Variants in EZH2 observed in about 807,000 individuals in gnomAD.
The protein encoded by EZH2 is histone-lysine N-methyltransferase EZH2.
Under a neutral mutation model 98.4 loss-of-function variants are expected in EZH2, and 18 were observed. The observed-to-expected ratio is 0.18, with a 90% confidence interval of 0.13 to 0.27. EZH2 has a LOEUF of 0.27. Among genes scored for constraint, EZH2 ranks in the 10% least tolerant of loss-of-function variants. The probability of loss-of-function intolerance (pLI) is 1.00; values close to 1 mark genes in which losing one functional copy is unlikely to be tolerated. For missense variants in EZH2, 470 were observed against 935.1 expected (o/e 0.50, Z 6.49); for synonymous variants, 338 against 312.3 (o/e 1.08, Z -0.87).
intron 19 of EZH2, 57 bp downstream of exon 19, chr7:148,809,014 T>G (rs946313223): frequency 1.4e-6 from 2 of 1,423,850 alleles, no homozygotes; most frequent in African/African-American, 2.8e-5. Context: ...TTGTCCAGAG[T>G]TCACAATCCA....
intron 15 of EZH2, among the ~76,000 whole-genome samples, chr7:148,812,856 CAA>C (rs1803482659): frequency 6.6e-6 from 1 of 152,098 alleles, no homozygotes; most frequent in African/African-American, 2.4e-5. Flanking sequence ...AAGCTAAAAA[CAA>C]AAAGCCCACC....
intron 8 of EZH2, among the ~76,000 whole-genome samples, chr7:148,824,771 A>G (rs1807214241): frequency 6.6e-6 from 1 of 152,216 alleles, no homozygotes; most frequent in Non-Finnish European, 1.5e-5. Context: ...ACAGAACTCA[A>G]TAGGACTGAA....
intron 4 of EZH2, among the ~76,000 whole-genome samples, chr7:148,831,897 C>T (rs7796537): frequency 0.018 from 2,695 of 152,236 alleles, 85 homozygotes; most frequent in African/African-American, 0.062. Context: ...AAAGCTGCTG[C>T]GTCAGAGTTA....
chr7:148,846,584 G>A lies in EZH2; in HGVS notation c.132C>T (p.Ser44=), dbSNP rs2129485037. Residue 44 remains serine, a synonymous_variant, in exon 3 of 20, where the codon TCC becomes TCT. Transcript: ENST00000320356. ...TTCTTTCCAAAATTTTCTGACGATT[G>A]GAACTAAACATACTCTTAAAAAAAA... ...RADEVKSMFS[S]NRQKILERTE... 6.3e-7 allele frequency: 1 copy of A among 1,593,158 alleles called. No individual in the cohort carries two copies. The highest frequency in any genetic ancestry group is 1.1e-5 in the South Asian group (1 of 90,116).
At chr7:148,878,977 C>G (rs1398378092) in intron 1 of EZH2, among the ~76,000 whole-genome samples, 3 of 152,102 alleles carry the variant, frequency 2.0e-5, no homozygotes, top group Non-Finnish European at 4.4e-5. Flanking sequence ...GTAATCCCAG[C>G]ACTTTGGGAG....
At chr7:148,855,588 T>C (rs1585212628) in intron 1 of EZH2, among the ~76,000 whole-genome samples, 1 of 152,084 alleles carries the variant, frequency 6.6e-6, no homozygotes, top group East Asian at 1.9e-4. Context: ...TGGTAAGCAC[T>C]ATATCAGCAT....
rs532479050 is a variant in EZH2, at chr7:148,817,676, C to G, written c.1240+201G>C. On this transcript the variant is annotated intron_variant, in intron 10 of 19. Coordinates refer to ENST00000320356, the MANE Select transcript of EZH2 (RefSeq NM_004456.5). ...AAGTGCATCATCAGCTTTCAAACAA[C>G]CAAGCAGGGCAAACACCACAAGCTA... The G allele has an allele frequency of 1.3e-4, 101 of 757,164 alleles. 1 individual carries two copies. In the South Asian group the frequency reaches 1.7e-3, roughly 13 times the overall value. 46.9% of individuals were successfully genotyped at this position (757,164 alleles called of 1,614,324 possible).
intron 1 of EZH2, among the ~76,000 whole-genome samples, chr7:148,868,753 G>C (rs1001162737): frequency 6.6e-6 from 1 of 152,052 alleles, no homozygotes; most frequent in Non-Finnish European, 1.5e-5. Flanking sequence ...CATTAGTATA[G>C]AATGTCTCTT....
chr7:148,856,060 G>C (rs1157209312), intron 1 of EZH2, among the ~76,000 whole-genome samples: 2 of 152,020 alleles, frequency 1.3e-5, no homozygotes, highest in African/African-American at 4.8e-5. Flanking sequence ...CAGGATGTCA[G>C]GGGATCTCAG....
intron 1 of EZH2, among the ~76,000 whole-genome samples, chr7:148,873,505 A>AAAAAAG (rs1233941773): frequency 2.0e-5 from 3 of 149,904 alleles, no homozygotes; most frequent in African/African-American, 7.3e-5. Context: ...AAAAAAAAAA[A>AAAAAAG]AAAAAGAAAG....
chr7:148,813,391 A>G (rs1398122381), intron 15 of EZH2, among the ~76,000 whole-genome samples: 1 of 151,968 alleles, frequency 6.6e-6, no homozygotes, highest in East Asian at 1.9e-4. Context: ...CTTTTGCTCA[A>G]TCATTACTTC....
intron 4 of EZH2, 38 bp from the exon 5 acceptor site, chr7:148,829,886 C>T: frequency 6.9e-7 from 1 of 1,456,742 alleles, no homozygotes; most frequent in Non-Finnish European, 9.3e-7. Context: ...CAGGTTTACT[C>T]TAAGTATCAA....
intron 1 of EZH2, among the ~76,000 whole-genome samples, chr7:148,861,730 C>G (rs546511379): frequency 6.7e-6 from 1 of 149,636 alleles, no homozygotes; most frequent in Non-Finnish European, 1.5e-5. Flanking sequence ...TAGCACTTTG[C>G]GGGGCTGAGG....
intron 1 of EZH2, among the ~76,000 whole-genome samples, chr7:148,856,758 A>C (rs751926319): frequency 6.6e-6 from 1 of 152,280 alleles, no homozygotes; most frequent in African/African-American, 2.4e-5. Flanking sequence ...AGAGTAAATC[A>C]TAACAGTATT....
chr7:148,807,834 A>G, intron 19 of EZH2, 128 bp from the exon 20 acceptor site: 1 of 589,760 alleles, frequency 1.7e-6, no homozygotes, highest in South Asian at 2.1e-5. Flanking sequence ...AAAAAAAAAA[A>G]AACCCATCCA....
intron 15 of EZH2, among the ~76,000 whole-genome samples, chr7:148,813,547 T>C (rs1803755152): frequency 6.6e-6 from 1 of 151,912 alleles, no homozygotes; most frequent in Admixed American, 6.6e-5. Flanking sequence ...TTACTCTACA[T>C]AGCAAGGAAT....
intron 4 of EZH2, among the ~76,000 whole-genome samples, chr7:148,831,951 A>C (rs1809523527): frequency 6.6e-6 from 1 of 152,224 alleles, no homozygotes; most frequent in Non-Finnish European, 1.5e-5. Flanking sequence ...AGCCCTATGA[A>C]TTTTACACCA....
intron 1 of EZH2, among the ~76,000 whole-genome samples, chr7:148,847,829 A>G (rs1814559911): frequency 6.6e-6 from 1 of 152,202 alleles, no homozygotes; most frequent in African/African-American, 2.4e-5. Context: ...ACACTTAATC[A>G]TGCACCTCTC....
intron 1 of EZH2, among the ~76,000 whole-genome samples, chr7:148,868,355 G>C (rs964622467): frequency 6.6e-6 from 1 of 152,210 alleles, no homozygotes; most frequent in Non-Finnish European, 1.5e-5. Context: ...CATCACAGTG[G>C]AAAGCAAAGG....
Sources: gnomAD v4.1 joint callset for allele counts (sites outside exome capture counted in the v4.1 genomes callset) on GRCh38, gnomAD v4.1.1 for gene constraint, MANE v1.5 for transcripts, NCBI Gene and HGNC (gene_info 2026-07-23, HGNC 2026-07-21) for gene names.